Variants in FBXO47 observed in about 807,000 individuals in gnomAD.
The protein encoded by FBXO47 is F-box only protein 47.
FBXO47 carries 34 observed loss-of-function variants against 53.9 expected under a neutral mutation model. The observed-to-expected ratio is 0.63, with a 90% CI of 0.48 to 0.84. The LOEUF (loss-of-function observed/expected upper bound fraction) is 0.84, where lower values mean the gene tolerates loss of function less well. FBXO47 is among the 40% of genes least tolerant of loss of function. The pLI, the probability that FBXO47 is intolerant of heterozygous loss-of-function variation, is 0.00. For missense variants in FBXO47, 485 were observed against 541.3 expected (o/e 0.90, Z 1.03); for synonymous variants, 165 against 181.6 (o/e 0.91, Z 0.73).
At chr17:38,957,424 T>C (rs2087965068) in intron 3 of FBXO47, among the ~76,000 whole-genome samples, 171 bp from the exon 4 acceptor site, 1 of 152,212 alleles carries the variant, frequency 6.6e-6, no homozygotes, top group African/African-American at 2.4e-5. Flanking sequence ...ACTTTCCATT[T>C]ATGGTATTTA....
In FBXO47 at chr17:38,944,963, C is replaced by A. The variant is rs770811578; in HGVS notation, c.790G>T (p.Asp264Tyr). 3 of 1,613,198 alleles carry A rather than the reference C, an allele frequency of 1.9e-6. No homozygotes were observed. The South Asian group carries it at 3.3e-5, about 18-fold the overall frequency. ...ACCCTGAAAGATGGGTGCTCACCAT[C>A]TTGAGGAGATATTGGCCCAAAGATG... ...YIIFGPISPQDGQVVWQEMIE... is the reference protein window; with the variant it reads ...YIIFGPISPQYGQVVWQEMIE... The change falls in exon 7 of 11, where the codon GAT becomes TAT. Residue 264 changes from aspartate to tyrosine, a missense_variant. Asp to Tyr is a radical substitution (Grantham distance 160). Transcript: ENST00000378079.
rs949481895 is a variant in FBXO47 at position 38,936,995 on chromosome 17, C to T, written c.*180G>A. On this transcript the variant is annotated 3_prime_UTR_variant, in exon 11 of 11. Coordinates refer to ENST00000378079, the MANE Select transcript of FBXO47 (RefSeq NM_001008777.3). ...AATCTCAGCACATTCTTGAGGCTGC[C>T]TGTTATTTTTATATTAATAATGATG... The T allele has an allele frequency of 3.5e-5, 14 of 401,476 alleles. No individual in the cohort carries two copies. Among genetic ancestry groups the T allele is most frequent in the Non-Finnish European group, 1.8e-5 (4 of 227,668 alleles). 24.9% of individuals were successfully genotyped at this position (401,476 alleles called of 1,614,324 possible).
chr17:38,942,669 C>T (rs1904563726), intron 9 of FBXO47, 109 bp downstream of exon 9: 1 of 699,970 alleles, frequency 1.4e-6, no homozygotes, highest in Non-Finnish European at 2.4e-6. Context: ...TACTTCAATA[C>T]TCATTTTTAC....
At chr17:38,941,151 A>C (rs1212307295) in intron 9 of FBXO47, among the ~76,000 whole-genome samples, 1 of 151,102 alleles carries the variant, frequency 6.6e-6, no homozygotes, top group Non-Finnish European at 1.5e-5. Context: ...ACTCCTGGCT[A>C]ATTTTTAAAT....
chr17:38,953,454 G>A (rs1452521431), intron 5 of FBXO47, among the ~76,000 whole-genome samples: 11 of 151,796 alleles, frequency 7.2e-5, no homozygotes, highest in African/African-American at 2.2e-4. Context: ...GCGAAACCTC[G>A]TCTCTACTAA....
rs200266705 is a variant in FBXO47 at position 38,961,939 on chromosome 17, T to C, written c.290A>G (p.His97Arg). The C allele has an allele frequency of 6.6e-5, 107 of 1,614,000 alleles. 1 individual carries two copies. Among genetic ancestry groups the C allele is most frequent in the African/African-American group, 2.7e-5 (2 of 74,938 alleles). Residue 97 changes from histidine (H) to arginine (R), a missense_variant, in exon 3 of 11, where the codon CAT (histidine) becomes CGT (arginine). Coordinates refer to ENST00000378079, the MANE Select transcript of FBXO47 (RefSeq NM_001008777.3). ...TCTCCTGTCAGGCAGCTCAAGGTTATGAAAGTCCTGTAGTAAAAGTCTTTT... is the reference window on the plus strand; with the variant it reads ...TCTCCTGTCAGGCAGCTCAAGGTTACGAAAGTCCTGTAGTAAAAGTCTTTT... Reference protein sequence around the residue: ...GSKRLLLQDFHNLELPDRRQD... With the variant: ...GSKRLLLQDFRNLELPDRRQD...
intron 6 of FBXO47, among the ~76,000 whole-genome samples, chr17:38,946,002 TAAATACATAAATATAAAAATATAAAA>T: frequency 7.6e-6 from 1 of 131,058 alleles, no homozygotes; most frequent in South Asian, 2.3e-4. Flanking sequence ...TAAATATATA[TAAATACATAAATATAAAAATATAAAA>T]ATATATATAA....
chr17:38,943,688 C>T lies in FBXO47; in HGVS notation c.842G>A (p.Ser281Asn), dbSNP rs1389111045. ...AATGGCATCAGCCAAACCTTTCAGA[C>T]TGAATTCATCTGTAGGTTCTTCTAT... Reference protein sequence around the residue: ...EMIEEPTDEFSLKGLADAIKL... With the variant: ...EMIEEPTDEFNLKGLADAIKL... The change falls in exon 8 of 11, where the codon AGT (serine) becomes AAT (asparagine). Residue 281 changes from serine to asparagine, a missense_variant. Transcript: ENST00000378079. The T allele has an allele frequency of 3.1e-6, 5 of 1,609,776 alleles. No homozygotes were observed. The African/African-American group carries it at 6.7e-5, about 22-fold the overall frequency.
At chr17:38,966,030 ATCAC>A (rs1191563251) in intron 1 of FBXO47, among the ~76,000 whole-genome samples, 1 of 152,174 alleles carries the variant, frequency 6.6e-6, no homozygotes, top group Non-Finnish European at 1.5e-5. Context: ...AAAAAGAGGG[ATCAC>A]TATATATAAT....
intron 3 of FBXO47, among the ~76,000 whole-genome samples, chr17:38,958,870 A>G (rs752943167): frequency 7.2e-5 from 11 of 152,034 alleles, no homozygotes; most frequent in Middle Eastern, 3.4e-3. Context: ...CAACTAAGGG[A>G]AAAAAAAGAC....
chr17:38,955,201 C>A (rs1256213416), intron 4 of FBXO47, among the ~76,000 whole-genome samples: 1 of 151,916 alleles, frequency 6.6e-6, no homozygotes, highest in Non-Finnish European at 1.5e-5. Flanking sequence ...TCCTGGCTAA[C>A]ATGGTGAAGC....
chr17:38,965,709 TAAAAAAA>T (rs71141742), intron 1 of FBXO47, among the ~76,000 whole-genome samples: 1 of 61,626 alleles, frequency 1.6e-5, no homozygotes, highest in African/African-American at 6.1e-5. Context: ...CCTTCTCTAC[TAAAAAAA>T]AAAAAAAAAA....
chr17:38,946,845 CAT>C (rs1454670226), intron 6 of FBXO47, among the ~76,000 whole-genome samples: 37 of 62,268 alleles, frequency 5.9e-4, no homozygotes, highest in East Asian at 3.0e-3. Context: ...TATATATAAA[CAT>C]ATAAAAATAT....
At position 38,962,952 on chromosome 17, in the gene FBXO47, C is replaced by G. The variant is rs1405504322; in HGVS notation, c.74G>C (p.Ser25Thr). The change falls in exon 2 of 11, where the codon AGC (serine) becomes ACC (threonine). Residue 25 changes from serine (S) to threonine (T), a missense_variant. Coordinates refer to ENST00000378079, the MANE Select transcript of FBXO47 (RefSeq NM_001008777.3). ...TGAGCCAAGGGTCTTGGAATAACAGCTGGTTTGACGATTACTACGTCTAAG... is the reference window on the plus strand; with the variant it reads ...TGAGCCAAGGGTCTTGGAATAACAGGTGGTTTGACGATTACTACGTCTAAG... The part of the protein sequence containing the change: ...QKLRRSNRQT[S>T]CYSKTLGSGF... 1 of 1,613,198 alleles carries G rather than the reference C, an allele frequency of 6.2e-7. No individual in the cohort carries two copies. The highest frequency in any genetic ancestry group is 2.2e-5 in the East Asian group (1 of 44,842).
At position 38,939,293 on chromosome 17, in the gene FBXO47, CAAAAAAAAAAAA is replaced by C. The variant is rs1218321299; in HGVS notation, c.1084-573_1084-562del. ...GGGGGACAGAGCCAGACTCCATCTC[CAAAAAAAAAAAA>C]AAAAAAAAAAAAAAAAAAATATATA... On this transcript the variant is annotated intron_variant, in intron 9 of 10. Transcript: ENST00000378079. Among the ~76,000 whole-genome samples the C allele has an allele frequency of 3.6e-3, 126 of 34,844 alleles. 1 individual carries two copies. Among genetic ancestry groups the C allele is most frequent in the African/African-American group, 0.018 (123 of 6,888 alleles). The allele number at this position is 34,844 out of a possible 152,430, so 22.9% of individuals were successfully genotyped here. A position where few individuals can be genotyped will look rare whatever the true frequency, so the allele number is the denominator to read the frequency against.
At chr17:38,957,954 C>T (rs1317448645) in intron 3 of FBXO47, among the ~76,000 whole-genome samples, 1 of 152,062 alleles carries the variant, frequency 6.6e-6, no homozygotes, top group Non-Finnish European at 1.5e-5. Context: ...CTGCCTCAGC[C>T]TCCCGAGTAG....
intron 9 of FBXO47, among the ~76,000 whole-genome samples, chr17:38,941,239 T>G (rs1263560714): frequency 6.6e-6 from 1 of 151,674 alleles, no homozygotes; most frequent in Non-Finnish European, 1.5e-5. Flanking sequence ...TGGCATGATC[T>G]GCTCACTGCA....
rs370967139 is a variant in FBXO47, at chr17:38,937,145, C to T, written c.*30G>A. On this transcript the variant is annotated 3_prime_UTR_variant, in exon 11 of 11. Transcript: ENST00000378079. The stretch of plus-strand genomic sequence containing the variant: ...ACTCCTCTAATCATTCGTTCAGTGA[C>T]GTTCTCTAAAGGCAAGGCTTTCTGA... The T allele has an allele frequency of 8.4e-6, 8 of 956,144 alleles. No homozygotes were observed. The highest frequency in any genetic ancestry group is 4.5e-5 in the South Asian group (3 of 66,186). The allele number at this position is 956,144 out of a possible 1,614,324, so 59.2% of individuals were successfully genotyped here. A position where few individuals can be genotyped will look rare whatever the true frequency, so the allele number is the denominator to read the frequency against.
At chr17:38,949,446 A>T (rs1567718546) in intron 6 of FBXO47, among the ~76,000 whole-genome samples, 1 of 151,616 alleles carries the variant, frequency 6.6e-6, no homozygotes, top group Admixed American at 6.6e-5. Context: ...AAACAAAACA[A>T]AACAACAATA....
Sources: allele counts gnomAD v4.1 joint callset (sites outside exome capture counted in the v4.1 genomes callset), GRCh38; gene constraint gnomAD v4.1.1; transcripts MANE v1.5; gene names NCBI Gene and HGNC (gene_info 2026-07-23, HGNC 2026-07-21).